Variants in LRP1B observed in about 807,000 individuals in gnomAD.
LRP1B encodes the protein low-density lipoprotein receptor-related protein 1B.
Under a neutral mutation model 556.6 loss-of-function variants are expected in LRP1B, and 217 were observed. The ratio of observed to expected loss-of-function variants is 0.39; its 90% CI spans 0.35 to 0.44. The LOEUF is 0.44. LRP1B is among the 20% of genes least tolerant of loss of function. The pLI, the probability that LRP1B is intolerant of heterozygous loss-of-function variation, is 1.00. For missense variants in LRP1B, 5,053 were observed against 5,620.8 expected (o/e 0.90, Z 3.23); for synonymous variants, 2,047 against 1,865.8 (o/e 1.10, Z -2.50).
chr2:141,486,312 A>G (rs1683120909), intron 2 of LRP1B, among the ~76,000 whole-genome samples: 1 of 152,196 alleles, frequency 6.6e-6, no homozygotes, highest in African/African-American at 2.4e-5. Context: ...TTTTACAAAT[A>G]ATGCTCCCAG....
intron 31 of LRP1B, among the ~76,000 whole-genome samples, chr2:140,834,747 A>G (rs1397947966): frequency 7.9e-5 from 12 of 152,200 alleles, no homozygotes; most frequent in Admixed American, 7.9e-4. Flanking sequence ...AATTGAAACT[A>G]CTAACATTTC....
intron 49 of LRP1B, among the ~76,000 whole-genome samples, chr2:140,517,369 A>T (rs150284015): frequency 2.0e-5 from 3 of 152,160 alleles, no homozygotes; most frequent in Non-Finnish European, 4.4e-5. Flanking sequence ...AAGGCCAAAG[A>T]ATAATATTTG....
intron 2 of LRP1B, among the ~76,000 whole-genome samples, chr2:141,643,504 G>A (rs1479445517): frequency 6.6e-6 from 1 of 152,088 alleles, no homozygotes; most frequent in African/African-American, 2.4e-5. Context: ...TAGGTTTGTG[G>A]GAAAATCTGT....
chr2:141,131,407 T>TTTTATATATA lies in LRP1B; in HGVS notation c.1013+57013_1013+57014insTATATATAAA, dbSNP rs976965390. Among the ~76,000 whole-genome samples the TTTTATATATA allele has an allele frequency of 7.9e-4, 88 of 110,696 alleles. 1 individual carries two copies. The highest frequency in any genetic ancestry group is 1.8e-3 in the African/African-American group (46 of 25,858). 72.6% of individuals were successfully genotyped at this position (110,696 alleles called of 152,430 possible). A position where few individuals can be genotyped will look rare whatever the true frequency, so the allele number is the denominator to read the frequency against. On this transcript the variant is annotated intron_variant, in intron 7 of 90. Coordinates refer to ENST00000389484, the MANE Select transcript of LRP1B (RefSeq NM_018557.3). Reference sequence around the variant, plus strand: ...GGTTACAAAATTATAATGCATAAAGTTATATATATATATATATATATATTT... The same window carrying TTTTATATATA: ...GGTTACAAAATTATAATGCATAAAGTTTTATATATATATATATATATATATATATATATTT...
chr2:141,211,762 A>C (rs1371902184), intron 6 of LRP1B, among the ~76,000 whole-genome samples: 1 of 152,246 alleles, frequency 6.6e-6, no homozygotes, highest in Admixed American at 6.5e-5. Context: ...TAATACCTTC[A>C]ACATTAAGCA....
chr2:142,059,039 C>G lies in LRP1B; in HGVS notation c.82+71609G>C, dbSNP rs1413886705. ...AATTACCAGCTATTTATTCTTTGGACTACTGCTTCACTTCTCTGAATGACA... is the reference window on the plus strand; with the variant it reads ...AATTACCAGCTATTTATTCTTTGGAGTACTGCTTCACTTCTCTGAATGACA... On this transcript the variant is annotated intron_variant, in intron 1 of 90. Coordinates refer to ENST00000389484, the MANE Select transcript of LRP1B (RefSeq NM_018557.3). Among the ~76,000 whole-genome samples, 5 of 152,066 alleles carry G rather than the reference C, an allele frequency of 3.3e-5. 1 individual carries two copies. The highest frequency in any genetic ancestry group is 7.4e-5 in the Non-Finnish European group (5 of 68,018).
intron 83 of LRP1B, among the ~76,000 whole-genome samples, chr2:140,303,414 T>C (rs890857902): frequency 4.6e-5 from 7 of 151,622 alleles, no homozygotes; most frequent in African/African-American, 1.7e-4. Flanking sequence ...TGCCTGGCTA[T>C]TTTTTTGTAT....
chr2:142,051,479 G>GTT (rs540052313), intron 1 of LRP1B, among the ~76,000 whole-genome samples: 967 of 35,838 alleles, frequency 0.027, 10 homozygotes, highest in African/African-American at 0.058. Context: ...TTGTTTTTTT[G>GTT]TTTTTTTTTT....
chr2:140,855,165 T>G (rs1185541252), intron 27 of LRP1B, among the ~76,000 whole-genome samples: 1 of 152,064 alleles, frequency 6.6e-6, no homozygotes. Flanking sequence ...GGACGAGTTC[T>G]TACCCCAAGG....
intron 35 of LRP1B, among the ~76,000 whole-genome samples, chr2:140,743,904 T>C (rs1244402489): frequency 7.2e-6 from 1 of 138,438 alleles, no homozygotes. Flanking sequence ...GAGGGGGATG[T>C]TGCAGTGAGC....
At chr2:140,386,911 T>G (rs1683782479) in intron 66 of LRP1B, among the ~76,000 whole-genome samples, 1 of 152,340 alleles carries the variant, frequency 6.6e-6, no homozygotes, top group Non-Finnish European at 1.5e-5. Flanking sequence ...TGTGCATACA[T>G]ATAAGTCATT....
Position 140,950,371 on chromosome 2 carries a change from C to G in LRP1B, c.3000G>C (p.Val1000=), listed in dbSNP as rs1695677148. 2 of 1,611,606 alleles carry G rather than the reference C, an allele frequency of 1.2e-6. No homozygotes were observed. The highest frequency in any genetic ancestry group is 1.7e-6 in the Non-Finnish European group (2 of 1,178,868). The change falls in exon 20 of 91, where the codon GTG becomes GTC. Residue 1000 remains valine, a synonymous_variant. Coordinates refer to ENST00000389484, the MANE Select transcript of LRP1B (RefSeq NM_018557.3). ...TATCAAAGCAAGAGTGAACACAGCCCACCTCATCACTCCCGTCCCCACAGT... is the reference window on the plus strand; with the variant it reads ...TATCAAAGCAAGAGTGAACACAGCCGACCTCATCACTCCCGTCCCCACAGT... ...DDDCGDGSDE[V]GCVHSCFDNQ...
In LRP1B at chr2:141,077,968, AT is replaced by A. The variant is rs76152375; in HGVS notation, c.1014-15696del. ...CAGAACTTGAGAGCTTCAGGTAGGA[AT>A]TTTTTTTTTTTTTTTAACTATTGGA... On this transcript the variant is annotated intron_variant, in intron 7 of 90. Coordinates refer to ENST00000389484, the MANE Select transcript of LRP1B (RefSeq NM_018557.3). Among the ~76,000 whole-genome samples, 705 of 142,932 alleles carry A rather than the reference AT, an allele frequency of 4.9e-3. 1 individual carries two copies. Among genetic ancestry groups the A allele is most frequent in the Middle Eastern group, 0.015 (4 of 268 alleles). 93.8% of individuals were successfully genotyped at this position (142,932 alleles called of 152,430 possible).
intron 25 of LRP1B, among the ~76,000 whole-genome samples, chr2:140,873,841 T>A (rs942119145): frequency 2.0e-5 from 3 of 151,872 alleles, no homozygotes; most frequent in Non-Finnish European, 2.9e-5. Context: ...GTGAAAAATT[T>A]TTCTCTAATT....
chr2:141,617,996 T>C (rs539836732), intron 2 of LRP1B, among the ~76,000 whole-genome samples: 2 of 152,296 alleles, frequency 1.3e-5, no homozygotes, highest in South Asian at 4.1e-4. Context: ...AGACATGCTG[T>C]GGCCCCTACT....
intron 2 of LRP1B, among the ~76,000 whole-genome samples, chr2:141,794,672 C>T (rs964188531): frequency 5.3e-5 from 8 of 151,982 alleles, no homozygotes; most frequent in African/African-American, 1.9e-4. Context: ...CTATTCTCCA[C>T]ACATAACAGA....
intron 7 of LRP1B, among the ~76,000 whole-genome samples, chr2:141,076,020 C>T (rs1025284891): frequency 2.0e-5 from 3 of 152,132 alleles, no homozygotes; most frequent in Non-Finnish European, 4.4e-5. Context: ...ATCAAGATTT[C>T]TTTGTTCAGT....
At chr2:141,146,605 T>C (rs1372218656) in intron 7 of LRP1B, among the ~76,000 whole-genome samples, 1 of 152,152 alleles carries the variant, frequency 6.6e-6, no homozygotes, top group Non-Finnish European at 1.5e-5. Flanking sequence ...TATTAAAGGG[T>C]AAGTGATAAC....
intron 45 of LRP1B, among the ~76,000 whole-genome samples, chr2:140,537,643 A>G (rs1679968633): frequency 6.6e-6 from 1 of 152,020 alleles, no homozygotes; most frequent in Non-Finnish European, 1.5e-5. Flanking sequence ...GTCAAGTGGA[A>G]AGCATGTGTA....
Sources: gnomAD v4.1 joint callset for allele counts (sites outside exome capture counted in the v4.1 genomes callset) on GRCh38, gnomAD v4.1.1 for gene constraint, MANE v1.5 for transcripts, NCBI Gene and HGNC (gene_info 2026-07-23, HGNC 2026-07-21) for gene names.